SEC24B: variants seen among roughly 807,000 people sequenced by gnomAD.
SEC24B encodes the protein protein transport protein Sec24B.
SEC24B carries 45 observed loss-of-function variants against 142.8 expected under a neutral mutation model. The ratio of observed to expected loss-of-function variants is 0.32; its 90% confidence interval spans 0.25 to 0.40. The LOEUF (loss-of-function observed/expected upper bound fraction) is 0.40, where lower values mean the gene tolerates loss of function less well. Among genes scored for constraint, SEC24B ranks in the 10% least tolerant of loss-of-function variants. The pLI is 1.00. For synonymous variants in SEC24B, 574 were observed against 568.2 expected (o/e 1.01, Z -0.15); for missense variants, 1,409 against 1,526.8 (o/e 0.92, Z 1.29).
At chr4:109,521,053 AC>A (rs1723556704) in intron 12 of SEC24B, 63 bp from the exon 13 acceptor site, 16 of 1,061,876 alleles carry the variant, frequency 1.5e-5, no homozygotes, top group African/African-American at 4.7e-5. Context: ...CCTGATAAAA[AC>A]TAAGATTTTC....
intron 10 of SEC24B, among the ~76,000 whole-genome samples, chr4:109,516,022 T>C (rs1374789287): frequency 6.6e-6 from 1 of 152,112 alleles, no homozygotes; most frequent in Non-Finnish European, 1.5e-5. Context: ...CACTCCAGCC[T>C]GGATGACAGA....
chr4:109,533,760 C>A, intron 22 of SEC24B, 75 bp downstream of exon 22: 1 of 906,968 alleles, frequency 1.1e-6, no homozygotes. Flanking sequence ...ATGTAATATT[C>A]ACCATTTTAA....
At chr4:109,501,295 G>A (rs146353921) in intron 6 of SEC24B, among the ~76,000 whole-genome samples, 207 of 152,232 alleles carry the variant, frequency 1.4e-3, no homozygotes, top group Non-Finnish European at 2.2e-3. Flanking sequence ...TGTGTAGTAG[G>A]CTATACCATC....
intron 2 of SEC24B, among the ~76,000 whole-genome samples, chr4:109,471,182 A>T (rs1254293532): frequency 6.6e-6 from 1 of 152,098 alleles, no homozygotes; most frequent in Admixed American, 6.6e-5. Flanking sequence ...TCCCGCTTTC[A>T]CCCAGGCTGG....
intron 2 of SEC24B, among the ~76,000 whole-genome samples, chr4:109,468,163 T>C (rs1322765833): frequency 6.6e-6 from 1 of 152,208 alleles, no homozygotes; most frequent in Non-Finnish European, 1.5e-5. Context: ...TCATACAAAA[T>C]ACAAGTAGTG....
Position 109,535,120 on chromosome 4 carries a change from G to A in SEC24B, c.3588+1435G>A, listed in dbSNP as rs115966403. ...AGTGCTACTATGAATGCTTATGTAC[G>A]AGTTTTTGTGTGAACATATGTTTTC... On this transcript the variant is annotated intron_variant, in intron 22 of 23. Transcript: ENST00000265175. Among the ~76,000 whole-genome samples the A allele has an allele frequency of 6.4e-3, 967 of 152,272 alleles. 13 individuals are homozygous for A. Among genetic ancestry groups the A allele is most frequent in the African/African-American group, 0.021 (886 of 41,552 alleles).
intron 5 of SEC24B, among the ~76,000 whole-genome samples, chr4:109,493,525 C>G (rs1397982447): frequency 6.6e-6 from 1 of 151,636 alleles, no homozygotes; most frequent in Admixed American, 6.6e-5. Flanking sequence ...TTTCCACTTT[C>G]TGTTTTAAAT....
At chr4:109,447,076 C>G (rs184774468) in intron 1 of SEC24B, among the ~76,000 whole-genome samples, 5 of 152,144 alleles carry the variant, frequency 3.3e-5, no homozygotes, top group Non-Finnish European at 7.4e-5. Flanking sequence ...GAATGTTTTC[C>G]TAGAGAAGAG....
chr4:109,466,676 C>T (rs1333364589), intron 2 of SEC24B, among the ~76,000 whole-genome samples: 1 of 152,204 alleles, frequency 6.6e-6, no homozygotes, highest in Non-Finnish European at 1.5e-5. Context: ...TCCCAAAGTG[C>T]TGGGATTACA....
In SEC24B at chr4:109,531,367, T is replaced by A; in HGVS notation, c.3253-18T>A. ...ATATTTGTATTTTACTTGAAAACGT[T>A]TATCTTTTTCCTTGTAGAAAGCATT... On this transcript the variant is annotated intron_variant, in intron 19 of 23. Coordinates refer to ENST00000265175, the MANE Select transcript of SEC24B (RefSeq NM_006323.5). 6.3e-7 allele frequency: 1 copy of A among 1,589,424 alleles called. No individual in the cohort carries two copies. Among genetic ancestry groups the A allele is most frequent in the Non-Finnish European group, 8.6e-7 (1 of 1,165,748 alleles).
chr4:109,460,989 A>G (rs1731200043), intron 1 of SEC24B, among the ~76,000 whole-genome samples: 1 of 152,228 alleles, frequency 6.6e-6, no homozygotes, highest in East Asian at 1.9e-4. Flanking sequence ...TAATCAAGAA[A>G]CTATAGCAAA....
At chr4:109,509,418 A>G (rs1301807698) in intron 7 of SEC24B, among the ~76,000 whole-genome samples, 1 of 152,208 alleles carries the variant, frequency 6.6e-6, no homozygotes, top group Non-Finnish European at 1.5e-5. Flanking sequence ...TCACGCCTGT[A>G]ATCCTAGCAC....
chr4:109,513,482 CCATGTTGGT>C (rs1244250834), intron 9 of SEC24B, among the ~76,000 whole-genome samples: 1 of 151,970 alleles, frequency 6.6e-6, no homozygotes, highest in East Asian at 1.9e-4. Context: ...CGAGGTTTCA[CCATGTTGGT>C]CAGGCTGTTC....
chr4:109,503,185 G>T (rs1271341892), intron 6 of SEC24B, among the ~76,000 whole-genome samples: 6 of 150,016 alleles, frequency 4.0e-5, no homozygotes, highest in Non-Finnish European at 5.9e-5. Flanking sequence ...TCAGACTCCC[G>T]AGTAGCTGGG....
chr4:109,511,118 A>G (rs998331089), intron 8 of SEC24B, among the ~76,000 whole-genome samples: 10 of 151,778 alleles, frequency 6.6e-5, no homozygotes, highest in Non-Finnish European at 1.5e-4. Context: ...TATATATGAA[A>G]TTGTATACTA....
chr4:109,537,895 T>C (rs1443577631), intron 22 of SEC24B, among the ~76,000 whole-genome samples: 1 of 152,220 alleles, frequency 6.6e-6, no homozygotes, highest in Non-Finnish European at 1.5e-5. Context: ...AATTTACTGT[T>C]AATTTGCTAT....
In SEC24B at chr4:109,433,835, C is replaced by T. The variant is rs1355732534; in HGVS notation, c.-35C>T. ...GCCTTCCCTTCCCTCCGCCCACCTC[C>T]CTGAAGCGGAGCCGCCGTCGCCACC... On this transcript the variant is annotated 5_prime_UTR_variant, in exon 1 of 24. Transcript: ENST00000265175. 4.7e-6 allele frequency: 6 copies of T among 1,273,306 alleles called. No individual in the cohort carries two copies. Among genetic ancestry groups the T allele is most frequent in the Non-Finnish European group, 5.9e-6 (6 of 1,009,166 alleles). 78.9% of individuals were successfully genotyped at this position (1,273,306 alleles called of 1,614,324 possible).
intron 1 of SEC24B, among the ~76,000 whole-genome samples, chr4:109,452,027 T>C (rs908820503): frequency 5.9e-5 from 9 of 152,048 alleles, no homozygotes; most frequent in African/African-American, 2.2e-4. Flanking sequence ...TATGTAATCA[T>C]GTATCTATTA....
In SEC24B at chr4:109,527,348, C is replaced by A; in HGVS notation, c.2992C>A (p.Leu998Ile). The change falls in exon 18 of 24, where the codon CTT becomes ATT. Residue 998 changes from leucine (L) to isoleucine (I), a missense_variant. Physicochemically the swap from Leu to Ile is conservative, Grantham distance 5. Around this residue, in one of 2 missense-constraint regions of SEC24B, gnomAD observed 700 missense variants for 853.3 expected, o/e 0.82. Coordinates refer to ENST00000265175, the MANE Select transcript of SEC24B (RefSeq NM_006323.5). ...TGAGCGGAGAATTAGAGTACATACA[C>A]TTTGTTTGCCAGTGGTAAGTTCACT... The part of the protein sequence containing the change: ...KGERRIRVHT[L>I]CLPVVSSLAD... 2 of 1,612,550 alleles carry A rather than the reference C, an allele frequency of 1.2e-6. No individual in the cohort carries two copies. The highest frequency in any genetic ancestry group is 1.7e-6 in the Non-Finnish European group (2 of 1,179,164).
Sources: allele counts gnomAD v4.1 joint callset (sites outside exome capture counted in the v4.1 genomes callset), GRCh38; gene constraint gnomAD v4.1.1; regional missense constraint gnomAD v4.1.1; transcripts MANE v1.5; gene names NCBI Gene and HGNC (gene_info 2026-07-23, HGNC 2026-07-21).